Variants in GPC5 observed in about 807,000 individuals in gnomAD.
GPC5 encodes glypican 5.
A neutral mutation model predicts 53.9 loss-of-function variants in GPC5; 47 were observed. That is an observed-to-expected ratio of 0.87 (90% CI 0.69 to 1.11). The LOEUF (loss-of-function observed/expected upper bound fraction) is 1.11. Among genes scored for constraint, GPC5 ranks in the 50% most tolerant of loss-of-function variants. GPC5 has a pLI of 0.00. For missense variants in GPC5, 748 were observed against 713.1 expected (o/e 1.05, Z -0.56); for synonymous variants, 286 against 263.3 (o/e 1.09, Z -0.84).
intron 7 of GPC5, among the ~76,000 whole-genome samples, chr13:92,473,275 A>G (rs1265621974): frequency 6.6e-6 from 1 of 152,120 alleles, no homozygotes; most frequent in East Asian, 1.9e-4. Flanking sequence ...AATAAGATAC[A>G]GACTTTGAGT....
At chr13:92,617,345 TA>T (rs1884727065) in intron 7 of GPC5, among the ~76,000 whole-genome samples, 1 of 152,192 alleles carries the variant, frequency 6.6e-6, no homozygotes, top group Non-Finnish European at 1.5e-5. Context: ...TCAGTTCCTT[TA>T]GCTCTTCTTT....
chr13:91,425,086 T>C (rs1594071532), intron 1 of GPC5, among the ~76,000 whole-genome samples: 1 of 152,232 alleles, frequency 6.6e-6, no homozygotes, highest in Non-Finnish European at 1.5e-5. Context: ...ATTTTTCATT[T>C]AAAATGGAAG....
intron 2 of GPC5, among the ~76,000 whole-genome samples, chr13:91,605,257 T>C (rs1007959932): frequency 6.8e-6 from 1 of 146,044 alleles, no homozygotes; most frequent in Non-Finnish European, 1.5e-5. Context: ...AAAGATCAGA[T>C]AGTTGTAGAG....
At chr13:92,729,555 T>C (rs894856901) in intron 7 of GPC5, among the ~76,000 whole-genome samples, 2 of 151,460 alleles carry the variant, frequency 1.3e-5, no homozygotes, top group African/African-American at 4.8e-5. Flanking sequence ...AAATTACTTA[T>C]ATGGTTTATA....
intron 7 of GPC5, among the ~76,000 whole-genome samples, chr13:92,461,355 C>T (rs1036168116): frequency 1.3e-5 from 2 of 152,116 alleles, no homozygotes; most frequent in African/African-American, 4.8e-5. Context: ...TCTCATGGAG[C>T]TTTTGTGTAG....
intron 7 of GPC5, among the ~76,000 whole-genome samples, chr13:92,629,556 A>G (rs185119084): frequency 6.6e-6 from 1 of 152,362 alleles, no homozygotes; most frequent in Non-Finnish European, 1.5e-5. Flanking sequence ...AAGATAGTAG[A>G]TAAACAATGC....
intron 7 of GPC5, among the ~76,000 whole-genome samples, chr13:92,362,536 C>G (rs1001423007): frequency 2.0e-5 from 3 of 151,698 alleles, no homozygotes; most frequent in Non-Finnish European, 4.4e-5. Flanking sequence ...TTCCAGTTAC[C>G]TGTCTCAGTT....
At chr13:92,003,091 A>C (rs769633628) in intron 6 of GPC5, among the ~76,000 whole-genome samples, 1 of 152,126 alleles carries the variant, frequency 6.6e-6, no homozygotes, top group Non-Finnish European at 1.5e-5. Flanking sequence ...CGGGTGGATC[A>C]CCAAAGGTCT....
At chr13:91,950,949 C>T (rs191001773) in intron 6 of GPC5, among the ~76,000 whole-genome samples, 1 of 152,294 alleles carries the variant, frequency 6.6e-6, no homozygotes, top group East Asian at 1.9e-4. Flanking sequence ...CTGCCCACCA[C>T]ACCTAATACT....
chr13:92,377,184 C>T lies in GPC5; in HGVS notation c.1561+232195C>T, dbSNP rs138886469. On this transcript the variant is annotated intron_variant, in intron 7 of 7. Coordinates refer to ENST00000377067, the MANE Select transcript of GPC5 (RefSeq NM_004466.6). ...CAATGCTACCATCATATTTTGCCTA[C>T]GCTTGCAGTGCTGTAGTTTTCACTA... is the stretch of plus-strand genomic sequence containing the variant. 4.1e-3 allele frequency among the ~76,000 whole-genome samples: 626 copies of T among 152,258 alleles called. 3 individuals carry two copies. The highest frequency in any genetic ancestry group is 0.014 in the African/African-American group (596 of 41,558).
At position 91,489,404 on chromosome 13, in the gene GPC5, T is replaced by G. The variant is rs151018990; in HGVS notation, c.325+40482T>G. Among the ~76,000 whole-genome samples the G allele has an allele frequency of 4.4e-3, 666 of 152,208 alleles. 3 individuals are homozygous for G. Among genetic ancestry groups the G allele is most frequent in the African/African-American group, 0.015 (633 of 41,530 alleles). Reference sequence around the variant, plus strand: ...CAGACCGGCTGCCACTTAGGAAAAATAGAAAAGAACCTATGTGAAATATTG... The same window carrying G: ...CAGACCGGCTGCCACTTAGGAAAAAGAGAAAAGAACCTATGTGAAATATTG... On this transcript the variant is annotated intron_variant, in intron 2 of 7. Coordinates refer to ENST00000377067, the MANE Select transcript of GPC5 (RefSeq NM_004466.6).
At chr13:91,670,341 T>C (rs2035215370) in intron 2 of GPC5, among the ~76,000 whole-genome samples, 1 of 152,184 alleles carries the variant, frequency 6.6e-6, no homozygotes, top group South Asian at 2.1e-4. Flanking sequence ...TCTACTGCGA[T>C]AAACAGGGAC....
At chr13:91,470,818 T>C (rs924481361) in intron 2 of GPC5, among the ~76,000 whole-genome samples, 4 of 152,290 alleles carry the variant, frequency 2.6e-5, no homozygotes, top group Admixed American at 6.5e-5. Flanking sequence ...AGTTGGACTA[T>C]ATTAGAATTC....
At chr13:92,532,211 A>G (rs1001454081) in intron 7 of GPC5, among the ~76,000 whole-genome samples, 1 of 152,204 alleles carries the variant, frequency 6.6e-6, no homozygotes, top group Non-Finnish European at 1.5e-5. Context: ...AAAAATCCCT[A>G]TCCACAGGGC....
chr13:91,588,281 T>G (rs2139147000), intron 2 of GPC5, among the ~76,000 whole-genome samples: 1 of 152,302 alleles, frequency 6.6e-6, no homozygotes, highest in South Asian at 2.1e-4. Context: ...TAGAATTTAC[T>G]TCCCACTTTG....
chr13:91,439,995 A>C (rs546196620), intron 1 of GPC5, among the ~76,000 whole-genome samples: 1 of 152,256 alleles, frequency 6.6e-6, no homozygotes, highest in Admixed American at 6.5e-5. Flanking sequence ...CTTTGTTTAC[A>C]TCCTGAGATT....
chr13:92,640,085 T>A (rs78294527), intron 7 of GPC5, among the ~76,000 whole-genome samples: 2,697 of 151,988 alleles, frequency 0.018, 85 homozygotes, highest in African/African-American at 0.061. Flanking sequence ...AGTCTCAGTA[T>A]GAGACAGATA....
intron 7 of GPC5, among the ~76,000 whole-genome samples, chr13:92,517,181 A>G (rs2138961758): frequency 6.6e-6 from 1 of 152,236 alleles, no homozygotes; most frequent in Middle Eastern, 3.4e-3. Flanking sequence ...AGTGGCCAGG[A>G]AGCTAGAACT....
At chr13:91,702,951 GT>G (rs1343355503) in intron 3 of GPC5, among the ~76,000 whole-genome samples, 1 of 152,040 alleles carries the variant, frequency 6.6e-6, no homozygotes, top group Non-Finnish European at 1.5e-5. Context: ...GTGTATGGAA[GT>G]GCTACAGATT....
Sources: allele counts gnomAD v4.1 joint callset (sites outside exome capture counted in the v4.1 genomes callset), GRCh38; gene constraint gnomAD v4.1.1; transcripts MANE v1.5; gene names NCBI Gene and HGNC (gene_info 2026-07-23, HGNC 2026-07-21).